Variants in SNAP25 observed in about 807,000 individuals in gnomAD.
SNAP25 encodes synaptosomal-associated protein 25.
In SNAP25, 3 loss-of-function variants were observed where a neutral mutation model predicts 28.7. The observed-to-expected ratio is 0.10, with a 90% CI of 0.05 to 0.27. SNAP25 has a LOEUF of 0.27. SNAP25 is among the 10% of genes least tolerant of loss of function. The pLI, the probability that SNAP25 is intolerant of heterozygous loss-of-function variation, is 1.00. For missense variants in SNAP25, 117 were observed against 278.7 expected (o/e 0.42, Z 4.13); for synonymous variants, 61 against 88.1 (o/e 0.69, Z 1.72).
chr20:10,240,385 T>TG (rs2063004427), intron 1 of SNAP25, among the ~76,000 whole-genome samples: 2 of 152,222 alleles, frequency 1.3e-5, no homozygotes, highest in African/African-American at 4.8e-5. Flanking sequence ...ATTGGGAGCC[T>TG]TAATTATACA....
intron 4 of SNAP25, among the ~76,000 whole-genome samples, chr20:10,287,844 T>C (rs62187162): frequency 0.15 from 22,553 of 151,638 alleles, 1,906 homozygotes; most frequent in Admixed American, 0.2. Flanking sequence ...AAATGATGAG[T>C]TCGTGTCCTT....
chr20:10,306,065 C>A, intron 7 of SNAP25, 64 bp from the exon 8 acceptor site: 2 of 1,526,562 alleles, frequency 1.3e-6, no homozygotes, highest in Non-Finnish European at 1.8e-6. Flanking sequence ...TGGACCCGGA[C>A]CCAGAAGGGT....
intron 1 of SNAP25, among the ~76,000 whole-genome samples, chr20:10,273,775 T>G (rs2063639114): frequency 6.6e-6 from 1 of 152,214 alleles, no homozygotes; most frequent in South Asian, 2.1e-4. Context: ...GAGGTTAAAG[T>G]GCACAGTTGA....
rs917094691 is a variant in SNAP25, at chr20:10,244,033, G to C, written c.-64+25056G>C. ...GACAGCACTTCCTGACTGTTACCTT[G>C]GGTAAGTTATTTAGTTTTGTCTCAG... On this transcript the variant is annotated intron_variant, in intron 1 of 7. Transcript: ENST00000254976. Among the ~76,000 whole-genome samples, 22 of 152,250 alleles carry C rather than the reference G, an allele frequency of 1.4e-4. No homozygotes were observed. The East Asian group carries it at 2.5e-3, about 17-fold the overall frequency.
chr20:10,295,378 A>T (rs1008939482), intron 5 of SNAP25, among the ~76,000 whole-genome samples: 3 of 152,202 alleles, frequency 2.0e-5, no homozygotes, highest in Non-Finnish European at 2.9e-5. Context: ...TAATCTGAGG[A>T]GGGAGGAGAT....
At chr20:10,297,811 G>A (rs1460920041) in intron 6 of SNAP25, among the ~76,000 whole-genome samples, 1 of 152,200 alleles carries the variant, frequency 6.6e-6, no homozygotes, top group Non-Finnish European at 1.5e-5. Flanking sequence ...GGGTGATATA[G>A]TCATGAGGTC....
At chr20:10,272,907 A>G (rs1379304995) in intron 1 of SNAP25, among the ~76,000 whole-genome samples, 1 of 152,206 alleles carries the variant, frequency 6.6e-6, no homozygotes, top group East Asian at 1.9e-4. Flanking sequence ...GTTATCTCCA[A>G]AGAAGTTTCA....
chr20:10,281,651 G>C (rs1600746530), intron 3 of SNAP25, among the ~76,000 whole-genome samples: 3 of 152,316 alleles, frequency 2.0e-5, no homozygotes, highest in Admixed American at 2.0e-4. Flanking sequence ...CCTGATTTCA[G>C]AGTGTAAGTT....
At chr20:10,270,284 C>T (rs2063570857) in intron 1 of SNAP25, among the ~76,000 whole-genome samples, 1 of 151,998 alleles carries the variant, frequency 6.6e-6, no homozygotes, top group African/African-American at 2.4e-5. Flanking sequence ...AACTACAGGA[C>T]TCCCACCACC....
intron 1 of SNAP25, among the ~76,000 whole-genome samples, chr20:10,247,053 A>G (rs1186863730): frequency 1.3e-5 from 2 of 152,310 alleles, no homozygotes; most frequent in South Asian, 2.1e-4. Flanking sequence ...CACAGATGTC[A>G]ACTATGGTGT....
intron 4 of SNAP25, among the ~76,000 whole-genome samples, chr20:10,289,836 T>C (rs952411411): frequency 1.3e-5 from 2 of 151,552 alleles, no homozygotes; most frequent in Non-Finnish European, 2.9e-5. Flanking sequence ...TCACCAGTCA[T>C]TGGAAAAATA....
intron 1 of SNAP25, among the ~76,000 whole-genome samples, chr20:10,273,208 A>AAAT (rs377760877): frequency 1.3e-5 from 2 of 151,964 alleles, no homozygotes; most frequent in Non-Finnish European, 1.5e-5. Flanking sequence ...ATTCTCATGC[A>AAAT]AATAATAATA....
intron 5 of SNAP25, among the ~76,000 whole-genome samples, chr20:10,294,856 T>C (rs2064076204): frequency 6.6e-6 from 1 of 152,014 alleles, no homozygotes; most frequent in Non-Finnish European, 1.5e-5. Context: ...GTATATTCCT[T>C]TCAGTGGCAA....
chr20:10,254,744 C>A (rs1253082487), intron 1 of SNAP25, among the ~76,000 whole-genome samples: 1 of 152,194 alleles, frequency 6.6e-6, no homozygotes, highest in Non-Finnish European at 1.5e-5. Context: ...AATTCAAATC[C>A]TCCAAGGAAA....
intron 1 of SNAP25, among the ~76,000 whole-genome samples, chr20:10,239,292 A>G (rs2062981639): frequency 1.3e-5 from 2 of 152,252 alleles, no homozygotes. Flanking sequence ...CAATAGTCGA[A>G]TTTCATGCAC....
chr20:10,240,763 G>T (rs906418173), intron 1 of SNAP25, among the ~76,000 whole-genome samples: 1 of 152,192 alleles, frequency 6.6e-6, no homozygotes, highest in Non-Finnish European at 1.5e-5. Context: ...GGGCCTACAT[G>T]CATTGTTCTG....
intron 7 of SNAP25, 68 bp from the exon 8 acceptor site, chr20:10,306,061 C>T (rs536284801): frequency 2.0e-4 from 301 of 1,491,492 alleles, no homozygotes; most frequent in Non-Finnish European, 2.6e-4. Context: ...GCATTGGACC[C>T]GGACCCAGAA....
intron 3 of SNAP25, among the ~76,000 whole-genome samples, chr20:10,278,440 G>A (rs1293767001): frequency 6.6e-6 from 1 of 152,178 alleles, no homozygotes; most frequent in Non-Finnish European, 1.5e-5. Flanking sequence ...ATTTGGTAGA[G>A]CAGCAGTCGG....
intron 1 of SNAP25, among the ~76,000 whole-genome samples, chr20:10,268,452 A>G (rs1568603349): frequency 6.6e-6 from 1 of 152,208 alleles, no homozygotes; most frequent in Non-Finnish European, 1.5e-5. Context: ...AATATATTAG[A>G]TCAGGGTACA....
Sources: gnomAD v4.1 joint callset for allele counts (sites outside exome capture counted in the v4.1 genomes callset) on GRCh38, gnomAD v4.1.1 for gene constraint, MANE v1.5 for transcripts, NCBI Gene and HGNC (gene_info 2026-07-23, HGNC 2026-07-21) for gene names.